The following CADM2 variants were observed in gnomAD, a reference collection of about 807,000 sequenced individuals.
CADM2 encodes immunoglobulin superfamily member 4D.
CADM2 carries 12 observed loss-of-function variants against 49.8 expected under a neutral mutation model. The observed-to-expected ratio is 0.24, with a 90% CI of 0.15 to 0.39. CADM2 has a LOEUF of 0.39. CADM2 is among the 10% of genes least tolerant of loss of function. The pLI, the probability that CADM2 is intolerant of heterozygous loss-of-function variation, is 1.00. For missense variants in CADM2, 378 were observed against 492.3 expected (o/e 0.77, Z 2.20); for synonymous variants, 214 against 175.4 (o/e 1.22, Z -1.74).
At chr3:84,973,506 CTA>C (rs2031609051) in intron 1 of CADM2, among the ~76,000 whole-genome samples, 1 of 152,104 alleles carries the variant, frequency 6.6e-6, no homozygotes, top group Non-Finnish European at 1.5e-5. Context: ...CAAGAATGCT[CTA>C]TTCTAACTGA....
chr3:85,796,442 C>T (rs1179489960), intron 2 of CADM2, among the ~76,000 whole-genome samples: 1 of 152,120 alleles, frequency 6.6e-6, no homozygotes, highest in East Asian at 1.9e-4. Context: ...CACTGTGGCT[C>T]CTGTTGACTT....
chr3:85,822,065 T>TTACC (rs1265612027), intron 3 of CADM2, among the ~76,000 whole-genome samples: 2 of 152,220 alleles, frequency 1.3e-5, no homozygotes, highest in Non-Finnish European at 2.9e-5. Flanking sequence ...CATCAAATAT[T>TTACC]TACATTTTAA....
chr3:85,082,877 C>T (rs574053272), intron 1 of CADM2, among the ~76,000 whole-genome samples: 48 of 152,140 alleles, frequency 3.2e-4, no homozygotes, highest in African/African-American at 1.1e-3. Flanking sequence ...CTAAAACACA[C>T]GCTAGCTGTT....
intron 1 of CADM2, among the ~76,000 whole-genome samples, chr3:85,289,859 G>A (rs996342248): frequency 9.2e-5 from 14 of 152,192 alleles, no homozygotes; most frequent in East Asian, 1.9e-4. Flanking sequence ...TAAAATCATC[G>A]CCTCTTAAAC....
chr3:85,389,955 C>A (rs1464126581), intron 1 of CADM2, among the ~76,000 whole-genome samples: 4 of 151,984 alleles, frequency 2.6e-5, no homozygotes, highest in Non-Finnish European at 5.9e-5. Flanking sequence ...GCATATTTTA[C>A]AATTCTTGTA....
intron 1 of CADM2, among the ~76,000 whole-genome samples, chr3:85,506,641 C>T (rs760322770): frequency 1.3e-5 from 2 of 151,966 alleles, no homozygotes; most frequent in Non-Finnish European, 2.9e-5. Context: ...TCAAGTAGAT[C>T]CTCCTGCGTT....
chr3:85,532,049 A>C (rs370519365), intron 1 of CADM2, among the ~76,000 whole-genome samples: 18 of 152,064 alleles, frequency 1.2e-4, no homozygotes, highest in African/African-American at 3.6e-4. Context: ...TGGTGGCGGG[A>C]GCCTGTAGTC....
intron 1 of CADM2, among the ~76,000 whole-genome samples, chr3:85,353,768 G>A (rs758961336): frequency 5.3e-5 from 8 of 151,312 alleles, no homozygotes; most frequent in Non-Finnish European, 8.8e-5. Context: ...TCTTATTACC[G>A]AAATCAATGC....
At chr3:85,405,556 A>T (rs1302129681) in intron 1 of CADM2, among the ~76,000 whole-genome samples, 1 of 152,116 alleles carries the variant, frequency 6.6e-6, no homozygotes, top group Non-Finnish European at 1.5e-5. Flanking sequence ...TATTTTTGTG[A>T]TCAAGGTTGC....
intron 1 of CADM2, among the ~76,000 whole-genome samples, chr3:85,022,479 T>C (rs933346398): frequency 2.0e-5 from 3 of 152,152 alleles, no homozygotes; most frequent in African/African-American, 7.2e-5. Context: ...TGTTTCAGGA[T>C]TGTTAGTTAG....
intron 1 of CADM2, among the ~76,000 whole-genome samples, chr3:85,577,984 T>TTTCCTTCCTTCCCTCC (rs1553744875): frequency 3.0e-5 from 4 of 134,220 alleles, no homozygotes; most frequent in Non-Finnish European, 6.2e-5. Flanking sequence ...TATTAATCTC[T>TTTCCTTCCTTCCCTCC]TTCCTTCCTT....
chr3:85,348,895 T>C (rs2031050477), intron 1 of CADM2, among the ~76,000 whole-genome samples: 1 of 152,200 alleles, frequency 6.6e-6, no homozygotes, highest in Non-Finnish European at 1.5e-5. Context: ...ATTTATTTTT[T>C]CATATGGTCT....
chr3:85,862,751 G>T (rs1462470653), intron 3 of CADM2, among the ~76,000 whole-genome samples: 1 of 152,128 alleles, frequency 6.6e-6, no homozygotes, highest in Non-Finnish European at 1.5e-5. Context: ...TAGTAACCCA[G>T]GTAAGGTATC....
chr3:85,224,965 T>C (rs967777352), intron 1 of CADM2, among the ~76,000 whole-genome samples: 1 of 152,212 alleles, frequency 6.6e-6, no homozygotes, highest in African/African-American at 2.4e-5. Flanking sequence ...TCTATATATC[T>C]GTTTTGGTAC....
At chr3:85,414,781 A>G (rs935805100) in intron 1 of CADM2, among the ~76,000 whole-genome samples, 2 of 152,096 alleles carry the variant, frequency 1.3e-5, no homozygotes, top group Non-Finnish European at 2.9e-5. Context: ...TGACTGACAT[A>G]TCTTGGAAAT....
In CADM2 at chr3:85,614,213, A is replaced by G. The variant is rs541568365; in HGVS notation, c.62-112309A>G. Among the ~76,000 whole-genome samples the G allele has an allele frequency of 5.8e-4, 88 of 151,282 alleles. 5 individuals carry two copies. Among genetic ancestry groups the G allele is most frequent in the African/African-American group, 1.6e-3 (65 of 40,980 alleles). Reference sequence around the variant, plus strand: ...CTAAAAGTGTGTGTTTGATGATTCAATTTTTTAATAGAAGTATAATTGTGC... The same window carrying G: ...CTAAAAGTGTGTGTTTGATGATTCAGTTTTTTAATAGAAGTATAATTGTGC... On this transcript the variant is annotated intron_variant, in intron 1 of 9. Coordinates refer to ENST00000383699, the MANE Select transcript of CADM2 (RefSeq NM_001167675.2).
intron 1 of CADM2, among the ~76,000 whole-genome samples, chr3:84,968,372 C>A (rs2107075225): frequency 6.6e-6 from 1 of 152,128 alleles, no homozygotes; most frequent in Non-Finnish European, 1.5e-5. Context: ...CTGTGATATT[C>A]AATGTGCCTT....
At chr3:85,722,777 T>G (rs1382081086) in intron 1 of CADM2, among the ~76,000 whole-genome samples, 1 of 152,170 alleles carries the variant, frequency 6.6e-6, no homozygotes, top group African/African-American at 2.4e-5. Context: ...GTGAAATTTA[T>G]CTAATCTCTT....
At chr3:85,224,471 G>A (rs1417594857) in intron 1 of CADM2, among the ~76,000 whole-genome samples, 1 of 152,074 alleles carries the variant, frequency 6.6e-6, no homozygotes, top group Non-Finnish European at 1.5e-5. Flanking sequence ...TTGTAAATTT[G>A]TTTAAGTTCT....
Sources: gnomAD v4.1 joint callset for allele counts (sites outside exome capture counted in the v4.1 genomes callset) on GRCh38, gnomAD v4.1.1 for gene constraint, MANE v1.5 for transcripts, NCBI Gene and HGNC (gene_info 2026-07-23, HGNC 2026-07-21) for gene names.